The following DIS3L2 variants were observed in gnomAD, a reference collection of about 807,000 sequenced individuals.
DIS3L2 encodes DIS3-like exonuclease 2.
A neutral mutation model predicts 97.5 loss-of-function variants in DIS3L2; 34 were observed. That is an observed-to-expected ratio of 0.35 (90% CI 0.27 to 0.46). DIS3L2 has a LOEUF of 0.46. Among genes scored for constraint, DIS3L2 ranks in the 20% least tolerant of loss-of-function variants. The pLI, the probability that DIS3L2 is intolerant of heterozygous loss-of-function variation, is 1.00. For synonymous variants in DIS3L2, 435 were observed against 445.2 expected, an observed-to-expected ratio of 0.98 and a Z score of 0.29; for missense variants, 1,038 against 1,146.0, an observed-to-expected ratio of 0.91 and a Z score of 1.36.
intron 6 of DIS3L2, among the ~76,000 whole-genome samples, chr2:232,126,139 T>C (rs1263994605): frequency 6.6e-6 from 1 of 152,166 alleles, no homozygotes; most frequent in Non-Finnish European, 1.5e-5. Flanking sequence ...CTGCTACCAT[T>C]GTCTCTTCAT....
intron 5 of DIS3L2, among the ~76,000 whole-genome samples, chr2:232,051,140 G>A (rs1173532807): frequency 4.6e-5 from 7 of 152,136 alleles, no homozygotes. Context: ...GTAACAACAG[G>A]AACCTTTCAA....
At chr2:232,062,216 G>C (rs1695731843) in intron 5 of DIS3L2, among the ~76,000 whole-genome samples, 1 of 152,046 alleles carries the variant, frequency 6.6e-6, no homozygotes. Flanking sequence ...TCCTTGCCTG[G>C]TCTAGTTTTA....
chr2:232,210,010 T>C (rs2106217509), intron 9 of DIS3L2, among the ~76,000 whole-genome samples: 1 of 152,336 alleles, frequency 6.6e-6, no homozygotes, highest in East Asian at 1.9e-4. Context: ...CAAAGTAACT[T>C]GCCCCTCTTG....
chr2:231,980,951 T>A (rs917136845), intron 1 of DIS3L2, among the ~76,000 whole-genome samples: 1 of 152,172 alleles, frequency 6.6e-6, no homozygotes, highest in African/African-American at 2.4e-5. Flanking sequence ...TAAATTTTTT[T>A]AAATTTTAAT....
rs1432300627 is a variant in DIS3L2 at position 232,269,156 on chromosome 2, C to T, written c.1659+5716C>T. On this transcript the variant is annotated intron_variant, in intron 13 of 20. Transcript: ENST00000325385. This position sits in a 1 kb window ranked among gnomAD's most constrained non-coding sequence, Gnocchi z 4.5. Reference sequence around the variant, plus strand: ...CGCTGAAGGTGGGGACTGCTCATGGCAAAATGTAGCGCTAAGGAAACTGTG... The same window carrying T: ...CGCTGAAGGTGGGGACTGCTCATGGTAAAATGTAGCGCTAAGGAAACTGTG... Among the ~76,000 whole-genome samples, 1 of 152,138 alleles carries T rather than the reference C, an allele frequency of 6.6e-6. No individual in the cohort carries two copies. The highest frequency in any genetic ancestry group is 2.4e-5 in the African/African-American group (1 of 41,438).
At chr2:232,049,371 A>G (rs927188902) in intron 5 of DIS3L2, among the ~76,000 whole-genome samples, 4 of 152,166 alleles carry the variant, frequency 2.6e-5, no homozygotes, top group African/African-American at 9.7e-5. Flanking sequence ...ATGTGTTAGA[A>G]ACATAATCTC....
At chr2:232,335,001 A>C (rs941778068) in intron 19 of DIS3L2, 57 of 471,064 alleles carry the variant, frequency 1.2e-4, no homozygotes, top group African/African-American at 1.0e-3. Flanking sequence ...CAGGGTGTGC[A>C]GGCTTTGGGG....
intron 6 of DIS3L2, among the ~76,000 whole-genome samples, chr2:232,093,184 A>G (rs551268049): frequency 4.3e-4 from 66 of 152,178 alleles, no homozygotes; most frequent in African/African-American, 1.5e-3. Flanking sequence ...GATATGATGC[A>G]TCACATTGAT....
At chr2:232,055,768 G>A (rs1161917956) in intron 5 of DIS3L2, among the ~76,000 whole-genome samples, 1 of 152,176 alleles carries the variant, frequency 6.6e-6, no homozygotes, top group Non-Finnish European at 1.5e-5. Context: ...TTAGTATAAG[G>A]AGAGACACAT....
intron 4 of DIS3L2, among the ~76,000 whole-genome samples, chr2:232,028,712 A>T (rs1483310782): frequency 6.6e-6 from 1 of 152,170 alleles, no homozygotes; most frequent in African/African-American, 2.4e-5. Flanking sequence ...GCAGCAATAG[A>T]TGGTGATGTG....
At chr2:231,993,542 C>A (rs1308649692) in intron 1 of DIS3L2, among the ~76,000 whole-genome samples, 4 of 152,124 alleles carry the variant, frequency 2.6e-5, no homozygotes, top group Non-Finnish European at 5.9e-5. Flanking sequence ...TATCAGTAAT[C>A]CTTGACTGAG....
At position 232,086,659 on chromosome 2, in the gene DIS3L2, A is replaced by ATATATATATGTATATATATATATATG. The variant is rs1553606035; in HGVS notation, c.367-827_367-826insATATATATGTATATATATATATATGT. Among the ~76,000 whole-genome samples, 40 of 92,506 alleles carry ATATATATATGTATATATATATATATG rather than the reference A, an allele frequency of 4.3e-4. 2 individuals carry two copies. Among genetic ancestry groups the ATATATATATGTATATATATATATATG allele is most frequent in the African/African-American group, 1.8e-3 (40 of 22,764 alleles). The allele number at this position is 92,506 out of a possible 152,430, so 60.7% of individuals were successfully genotyped here. The stretch of plus-strand genomic sequence containing the variant: ...TATATATATATGTATATATATATAT[A>ATATATATATGTATATATATATATATG]TGTGTGTGTGTGTGTGTGTATATAT... On this transcript the variant is annotated intron_variant, in intron 5 of 20. Coordinates refer to ENST00000325385, the MANE Select transcript of DIS3L2 (RefSeq NM_152383.5).
intron 6 of DIS3L2, among the ~76,000 whole-genome samples, chr2:232,097,510 C>CA (rs1466105144): frequency 6.6e-6 from 1 of 151,940 alleles, no homozygotes. Flanking sequence ...GAGCCTCACC[C>CA]TGTGGCTGCC....
At chr2:232,042,111 A>G (rs917437471) in intron 5 of DIS3L2, among the ~76,000 whole-genome samples, 1 of 152,184 alleles carries the variant, frequency 6.6e-6, no homozygotes, top group Non-Finnish European at 1.5e-5. Flanking sequence ...TGAGTCTGAA[A>G]GAATAAAGGA....
chr2:232,086,647 A>ATATATATATATACACATATATATATG (rs1696648156), intron 5 of DIS3L2, among the ~76,000 whole-genome samples: 1 of 38,654 alleles, frequency 2.6e-5, no homozygotes, highest in African/African-American at 1.4e-4. Context: ...ATATATATGT[A>ATATATATATATACACATATATATATG]TATATATATA....
intron 14 of DIS3L2, among the ~76,000 whole-genome samples, chr2:232,326,914 T>C (rs1270198516): frequency 6.6e-6 from 1 of 151,976 alleles, no homozygotes; most frequent in Non-Finnish European, 1.5e-5. Flanking sequence ...GGGACTGTGC[T>C]GGGGGTCCAG....
chr2:232,118,095 A>G (rs1697781805), intron 6 of DIS3L2, among the ~76,000 whole-genome samples: 5 of 152,148 alleles, frequency 3.3e-5, no homozygotes, highest in Admixed American at 1.3e-4. Context: ...TGATGACCTC[A>G]GCTCCTTGCT....
At chr2:232,231,362 T>C (rs1376209238) in intron 10 of DIS3L2, among the ~76,000 whole-genome samples, 3 of 152,218 alleles carry the variant, frequency 2.0e-5, no homozygotes, top group African/African-American at 7.2e-5. Context: ...AGGGGCCATA[T>C]GCTGGCTGTC....
intron 6 of DIS3L2, among the ~76,000 whole-genome samples, chr2:232,105,139 A>G (rs940112861): frequency 6.6e-6 from 1 of 152,178 alleles, no homozygotes; most frequent in Admixed American, 6.5e-5. Context: ...TTATCCATCC[A>G]TGTTGATGAA....
Sources: gnomAD v4.1 joint callset for allele counts (sites outside exome capture counted in the v4.1 genomes callset) on GRCh38, gnomAD v4.1.1 for gene constraint, Gnocchi (gnomAD v3.1) non-coding constraint, MANE v1.5 for transcripts, NCBI Gene and HGNC (gene_info 2026-07-23, HGNC 2026-07-21) for gene names.